The following ZNF799 variants were observed in gnomAD, a reference collection of about 807,000 sequenced individuals.
ZNF799 encodes zinc finger protein 799.
A neutral mutation model predicts 41.0 loss-of-function variants in ZNF799; 28 were observed. That is an observed-to-expected ratio of 0.68 (90% CI 0.51 to 0.94). The LOEUF (loss-of-function observed/expected upper bound fraction) is 0.94, where lower values mean the gene tolerates loss of function less well. Ranked by LOEUF, ZNF799 falls within the 40% of genes least tolerant of loss-of-function variation. The pLI is 0.00. For missense variants in ZNF799, 716 were observed against 764.3 expected (o/e 0.94, Z 0.74); for synonymous variants, 213 against 252.9 (o/e 0.84, Z 1.50).
the ZNF799 span, among the ~76,000 whole-genome samples, chr19:12,408,757 G>GGT: frequency 6.6e-6 from 1 of 152,186 alleles, no homozygotes; most frequent in Non-Finnish European, 1.5e-5. Context: ...AAGGTGGCTG[G>GGT]GTGTGGTGGC....
the ZNF799 span, among the ~76,000 whole-genome samples, chr19:12,409,312 C>T: frequency 6.6e-6 from 1 of 152,152 alleles, no homozygotes; most frequent in African/African-American, 2.4e-5. Context: ...TACTGCCTGC[C>T]GCTCATCTCC....
At chr19:12,395,064 AG>A (rs1248055960) in intron 1 of ZNF799, 3 of 164,446 alleles carry the variant, frequency 1.8e-5, no homozygotes, top group African/African-American at 7.2e-5. Flanking sequence ...ACAGCATATC[AG>A]ATCTTATTTG....
At chr19:12,394,549 G>T (rs1476091378) in intron 1 of ZNF799, 86 of 981,766 alleles carry the variant, frequency 8.8e-5, no homozygotes, top group Non-Finnish European at 1.0e-4. Context: ...TTGGAAGCTG[G>T]CAACTAGTTT....
chr19:12,392,877 C>T (rs544054043), intron 2 of ZNF799, among the ~76,000 whole-genome samples: 62 of 152,212 alleles, frequency 4.1e-4, no homozygotes, highest in African/African-American at 1.4e-3. Context: ...AAGACCAGCC[C>T]CTCCTCTTAC....
chr19:12,394,164 G>A (rs1006647632), intron 1 of ZNF799: 2 of 152,240 alleles, frequency 1.3e-5, no homozygotes, highest in African/African-American at 4.8e-5. Context: ...ATGAATAAAT[G>A]AGCTATCTCA....
upstream of ZNF799, among the ~76,000 whole-genome samples, chr19:12,401,751 G>T (rs1220733907): frequency 3.3e-5 from 5 of 151,182 alleles, no homozygotes; most frequent in Middle Eastern, 3.2e-3. Flanking sequence ...ATTTTTGTAT[G>T]TTTTAGTAGA....
At chr19:12,403,437 T>C (rs562673571), upstream of ZNF799, among the ~76,000 whole-genome samples, 90 of 152,308 alleles carry the variant, frequency 5.9e-4, 1 homozygote, top group South Asian at 0.018. Context: ...ATTTCTACTC[T>C]GATTTTTATT....
At chr19:12,409,589 G>A in the ZNF799 span, among the ~76,000 whole-genome samples, 5 of 152,128 alleles carry the variant, frequency 3.3e-5, no homozygotes, top group African/African-American at 1.2e-4. Flanking sequence ...CTCAACACCA[G>A]AGTACACATT....
chr19:12,395,303 G>T lies in ZNF799; in HGVS notation c.4-1880C>A, dbSNP rs1333970643. Among the ~76,000 whole-genome samples the T allele has an allele frequency of 2.6e-5, 4 of 151,850 alleles. No homozygotes were observed. The East Asian group carries it at 5.8e-4, about 22-fold the overall frequency. ...AGTACAGGCATGCTCCACCACATCCGGCCAACTTTTGTATTTTTACTAGAG... is the reference window on the plus strand; with the variant it reads ...AGTACAGGCATGCTCCACCACATCCTGCCAACTTTTGTATTTTTACTAGAG... On this transcript the variant is annotated intron_variant, in intron 1 of 3. Coordinates refer to ENST00000430385, the MANE Select transcript of ZNF799 (RefSeq NM_001080821.3).
chr19:12,398,067 A>T (rs1969925378), intron 1 of ZNF799: 1 of 152,184 alleles, frequency 6.6e-6, no homozygotes, highest in Non-Finnish European at 1.5e-5. Context: ...CCTGGCCAAT[A>T]TGGCGAAACT....
intron 1 of ZNF799, among the ~76,000 whole-genome samples, chr19:12,398,896 CA>C (rs1032667828): frequency 6.6e-6 from 1 of 150,726 alleles, no homozygotes. Context: ...AGCTCTGGGG[CA>C]AAAAAAATAA....
At position 12,397,425 on chromosome 19, in the gene ZNF799, C is replaced by T. The variant is rs866101476; in HGVS notation, c.3+3643G>A. Among the ~76,000 whole-genome samples the T allele has an allele frequency of 5.3e-5, 8 of 149,764 alleles. No homozygotes were observed. In the East Asian group the frequency reaches 5.9e-4, roughly 11 times the overall value. ...TAAAAAAAAAAAAAAATTAGCCAGGCGTGGTGGCCTGCACCTGTAGTCCCA... is the reference window on the plus strand; with the variant it reads ...TAAAAAAAAAAAAAAATTAGCCAGGTGTGGTGGCCTGCACCTGTAGTCCCA... On this transcript the variant is annotated intron_variant, in intron 1 of 3. Coordinates refer to ENST00000430385, the MANE Select transcript of ZNF799 (RefSeq NM_001080821.3).
intron 1 of ZNF799, 144 bp from the exon 2 acceptor site, chr19:12,393,567 A>G (rs1236992728): frequency 2.8e-6 from 4 of 1,420,110 alleles, no homozygotes; most frequent in East Asian, 5.1e-5. Flanking sequence ...TTCTCTGTCT[A>G]CACTCACTTT....
upstream of ZNF799, among the ~76,000 whole-genome samples, chr19:12,401,795 C>T (rs1969993006): frequency 6.6e-6 from 1 of 151,944 alleles, no homozygotes; most frequent in African/African-American, 2.4e-5. Context: ...AGGCTGGTCT[C>T]GAACTCCTGA....
At chr19:12,401,568 CCGAGA>C (rs1193520506), upstream of ZNF799, among the ~76,000 whole-genome samples, 4 of 3,640 alleles carry the variant, frequency 1.1e-3, no homozygotes, top group Admixed American at 2.7e-3. Flanking sequence ...TTTTTTTTTT[CCGAGA>C]GAGAGAGAGA....
chr19:12,411,080 T>C, the ZNF799 span, among the ~76,000 whole-genome samples: 1 of 152,214 alleles, frequency 6.6e-6, no homozygotes, highest in African/African-American at 2.4e-5. Context: ...AACATTGCCC[T>C]TGCACTGCAA....
In ZNF799 at chr19:12,390,815, C is replaced by G. The variant is rs1969798075; in HGVS notation, c.1583G>C (p.Gly528Ala). 6.2e-7 allele frequency: 1 copy of G among 1,614,158 alleles called. No individual in the cohort carries two copies. The change falls in exon 4 of 4, where the codon GGA becomes GCA. Residue 528 changes from glycine to alanine, a missense_variant. By Grantham distance (60) the Gly-to-Ala change is moderately conservative (BLOSUM62 0). Transcript: ENST00000430385. ...NLKVHERIHS[G>A]EKPYECKECG... ...TTCCTTACATTCATACGGCTTCTCT[C>G]CAGAGTGAATTCTTTCATGTACTTT...
chr19:12,400,929 G>C, intron 1 of ZNF799, 139 bp downstream of exon 1: 1 of 1,517,662 alleles, frequency 6.6e-7, no homozygotes, highest in South Asian at 1.1e-5. Context: ...CTGCGGCCGA[G>C]GGCCGACCTA....
At chr19:12,400,771 C>T in intron 1 of ZNF799, 1 of 564,100 alleles carries the variant, frequency 1.8e-6, no homozygotes, top group Non-Finnish European at 3.1e-6. Flanking sequence ...GTGAGTCGGG[C>T]CGCGAACCTG....
Sources: gnomAD v4.1 joint callset for allele counts (sites outside exome capture counted in the v4.1 genomes callset) on GRCh38, gnomAD v4.1.1 for gene constraint, MANE v1.5 for transcripts, NCBI Gene and HGNC (gene_info 2026-07-23, HGNC 2026-07-21) for gene names.